APOB: variants seen among roughly 807,000 people sequenced by gnomAD.
The protein encoded by APOB is apolipoprotein B.
APOB carries 153 observed loss-of-function variants against 314.1 expected under a neutral mutation model. The ratio of observed to expected loss-of-function variants is 0.49; its 90% CI spans 0.43 to 0.56. The LOEUF (loss-of-function observed/expected upper bound fraction) is 0.56, where lower values mean the gene tolerates loss of function less well. Ranked by LOEUF, APOB falls within the 20% of genes least tolerant of loss-of-function variation. APOB has a pLI of 0.00. For synonymous variants in APOB, 2,087 were observed against 2,036.4 expected (o/e 1.02, Z -0.67); for missense variants, 5,430 against 5,350.7 (o/e 1.01, Z -0.46).
intron 10 of APOB, among the ~76,000 whole-genome samples, chr2:21,031,090 TC>T (rs1185470509): frequency 6.6e-6 from 1 of 152,198 alleles, no homozygotes; most frequent in East Asian, 1.9e-4. Context: ...AATCCAACAA[TC>T]CCATTACTGG....
At chr2:21,026,718 G>T in intron 15 of APOB, 70 bp downstream of exon 15, 2 of 1,283,626 alleles carry the variant, frequency 1.6e-6, no homozygotes, top group Non-Finnish European at 2.3e-6. Context: ...GGACTTCCAT[G>T]CTTAGAAAAG....
intron 20 of APOB, 69 bp from the exon 21 acceptor site, chr2:21,016,718 C>T (rs187128817): frequency 1.2e-5 from 12 of 1,013,360 alleles, no homozygotes; most frequent in Non-Finnish European, 1.6e-5. Flanking sequence ...GGTGCGGTGG[C>T]TCACACCTGT....
intron 18 of APOB, among the ~76,000 whole-genome samples, chr2:21,020,698 A>G (rs1463485796): frequency 6.6e-6 from 1 of 152,192 alleles, no homozygotes; most frequent in Non-Finnish European, 1.5e-5. Context: ...GGTTTTTTCT[A>G]AGGATGCTTT....
chr2:21,007,877 C>T lies in APOB; in HGVS notation c.8991G>A (p.Val2997=), dbSNP rs1663190318. ...CTTTAGCAGTTAGAACACTGTGGCC[C>T]ACATGCTGGGAATCGACTTGTGATT... The part of the protein sequence containing the change: ...EIQSQVDSQH[V]GHSVLTAKGM... Residue 2997 remains valine (V), a synonymous_variant, in exon 26 of 29, where the codon GTG becomes GTA. Coordinates refer to ENST00000233242, the MANE Select transcript of APOB (RefSeq NM_000384.3). The T allele has an allele frequency of 6.2e-7, 1 of 1,614,044 alleles. No homozygotes were observed. The highest frequency in any genetic ancestry group is 8.5e-7 in the Non-Finnish European group (1 of 1,179,964).
rs759567147 is a variant in APOB at position 21,012,363 on chromosome 2, C to G, written c.4505G>C (p.Gly1502Ala). ...GTTAGGATCCCTCTGACAAGACAGG[C>G]CATATGTGCCTTTAGCATAGAACGA... ...VSSFYAKGTY[G>A]LSCQRDPNTG... The change falls in exon 26 of 29, where the codon GGC (glycine) becomes GCC (alanine). Residue 1502 changes from glycine to alanine, a missense_variant. Around this residue, in one of 3 missense-constraint regions of APOB, gnomAD observed 2,085 missense variants for 2,079.7 expected, o/e 1.00. Transcript: ENST00000233242. 1.9e-6 allele frequency: 3 copies of G among 1,614,024 alleles called. No individual in the cohort carries two copies. In the Admixed American group the frequency reaches 5.0e-5, roughly 27 times the overall value.
At chr2:21,026,696 A>C (rs1572794986) in intron 15 of APOB, 92 bp downstream of exon 15, 1 of 1,040,990 alleles carries the variant, frequency 9.6e-7, no homozygotes, top group South Asian at 1.3e-5. Context: ...CTTCAGTTAG[A>C]TAGTATTTTG....
At chr2:21,020,552 G>A (rs1326022207) in intron 18 of APOB, among the ~76,000 whole-genome samples, 1 of 152,154 alleles carries the variant, frequency 6.6e-6, no homozygotes, top group African/African-American at 2.4e-5. Flanking sequence ...TGACCTCCCA[G>A]AAGCCTTCCA....
Position 21,014,518 on chromosome 2 carries a change from G to T in APOB, c.3772C>A (p.Leu1258Met), listed in dbSNP as rs760610510. 5 of 1,614,110 alleles carry T rather than the reference G, an allele frequency of 3.1e-6. No homozygotes were observed. In the Admixed American group the frequency reaches 8.3e-5, roughly 27 times the overall value. Residue 1258 changes from leucine to methionine, a missense_variant, in exon 24 of 29, where the codon CTG becomes ATG. Leu to Met is a conservative substitution (Grantham distance 15). Coordinates refer to ENST00000233242, the MANE Select transcript of APOB (RefSeq NM_000384.3). ...ATGTTCTGGAGGTTGAACTCCTTCA[G>T]GCTATTGAGGTGGTCTTGCAAAGTC... is the stretch of plus-strand genomic sequence containing the variant. ...TQTLQDHLNS[L>M]KEFNLQNMGL...
Position 21,010,401 on chromosome 2 carries a change from A to G in APOB, c.6467T>C (p.Ile2156Thr), listed in dbSNP as rs1232529396. ...TTTGGCATCATCTAATGCAATTTGT[A>G]TATCATTTTCTGTAATTCTATACTT... ...TKKYRITEND[I>T]QIALDDAKIN... The change falls in exon 26 of 29, where the codon ATA becomes ACA. Residue 2156 changes from isoleucine (I) to threonine (T), a missense_variant. This residue lies in a region of APOB where 3,281 missense variants were observed against 3,171.0 expected (regional missense o/e 1.03). Transcript: ENST00000233242. 8.1e-6 allele frequency: 13 copies of G among 1,595,368 alleles called. 1 individual carries two copies. The highest frequency in any genetic ancestry group is 4.0e-5 in the African/African-American group (3 of 74,258).
In APOB at chr2:21,005,514, G is replaced by C. The variant is rs143710616; in HGVS notation, c.11354C>G (p.Thr3785Arg). 1 of 1,614,014 alleles carries C rather than the reference G, an allele frequency of 6.2e-7. No homozygotes were observed. The highest frequency in any genetic ancestry group is 2.2e-5 in the East Asian group (1 of 44,878). ...RTSSFALNLP[T>R]LPEVKFPEVD... ...TTCAGGGAATTTTACCTCGGGGAGT[G>C]TTGGTAGGTTGAGGGCAAATGATGA... Residue 3785 changes from threonine to arginine, a missense_variant, in exon 26 of 29, where the codon ACA becomes AGA. Coordinates refer to ENST00000233242, the MANE Select transcript of APOB (RefSeq NM_000384.3).
intron 20 of APOB, among the ~76,000 whole-genome samples, chr2:21,017,602 G>T (rs2103365363): frequency 6.6e-6 from 1 of 152,168 alleles, no homozygotes; most frequent in South Asian, 2.1e-4. Context: ...AACAGCAAAG[G>T]CTCGCAGCCC....
chr2:21,019,821 C>T lies in APOB; in HGVS notation c.2901G>A (p.Lys967=), dbSNP rs1663558979. The change falls in exon 19 of 29, where the codon AAG becomes AAA. Residue 967 remains lysine (K), a synonymous_variant. Coordinates refer to ENST00000233242, the MANE Select transcript of APOB (RefSeq NM_000384.3). ...AGTAATTCAGGCCAGGAAAGACTTGCTTGCAAACTGACCAGGACTGCCTGT... is the reference window on the plus strand; with the variant it reads ...AGTAATTCAGGCCAGGAAAGACTTGTTTGCAAACTGACCAGGACTGCCTGT... The part of the protein sequence containing the change: ...IENRQSWSVC[K]QVFPGLNYCT... 6.8e-6 allele frequency: 11 copies of T among 1,614,130 alleles called. No homozygotes were observed. Among genetic ancestry groups the T allele is most frequent in the African/African-American group, 1.3e-5 (1 of 75,012 alleles).
chr2:21,007,377 G>A lies in APOB; in HGVS notation c.9491C>T (p.Thr3164Met), dbSNP rs143269114. 101 of 1,613,900 alleles carry A rather than the reference G, an allele frequency of 6.3e-5. No individual in the cohort carries two copies. Among genetic ancestry groups the A allele is most frequent in the East Asian group, 4.0e-4 (18 of 44,864 alleles). ...EKTGLKEFLK[T>M]TKQSFDLSVK... ...ACTTAAATCAAATGATTGCTTTGTC[G>A]TTTTCAAGAATTCCTTCAAGCCTGT... Residue 3164 changes from threonine (T) to methionine (M), a missense_variant, in exon 26 of 29, where the codon ACG (threonine) becomes ATG (methionine). Thr to Met is a moderately conservative substitution (Grantham distance 81, BLOSUM62 -1). Coordinates refer to ENST00000233242, the MANE Select transcript of APOB (RefSeq NM_000384.3).
Position 21,009,534 on chromosome 2 carries a change from T to A in APOB, c.7334A>T (p.Glu2445Val). Residue 2445 changes from glutamate (E) to valine (V), a missense_variant, in exon 26 of 29, where the codon GAG becomes GTG. Coordinates refer to ENST00000233242, the MANE Select transcript of APOB (RefSeq NM_000384.3). Reference sequence around the variant, plus strand: ...TTCACCATTGAGTCTCTGAGTCACCTCACGGATTTTGTCATTGGTTTCATC... The same window carrying A: ...TTCACCATTGAGTCTCTGAGTCACCACACGGATTTTGTCATTGGTTTCATC... ...FVDETNDKIR[E>V]VTQRLNGEIQ... 6.2e-7 allele frequency: 1 copy of A among 1,614,094 alleles called. No homozygotes were observed. Among genetic ancestry groups the A allele is most frequent in the Non-Finnish European group, 8.5e-7 (1 of 1,179,974 alleles).
At chr2:21,034,768 C>A in intron 8 of APOB, 48 bp downstream of exon 8, 1 of 1,050,142 alleles carries the variant, frequency 9.5e-7, no homozygotes, top group Non-Finnish European at 1.5e-6. Flanking sequence ...CCATGATAGG[C>A]ACATCTTGAG....
Position 21,001,940 on chromosome 2 carries a change from C to T in APOB, c.13482G>A (p.Gln4494=). 2 of 1,612,866 alleles carry T rather than the reference C, an allele frequency of 1.2e-6. No individual in the cohort carries two copies. Among genetic ancestry groups the T allele is most frequent in the Non-Finnish European group, 1.7e-6 (2 of 1,178,896 alleles). The change falls in exon 29 of 29, where the codon CAG becomes CAA. Residue 4494 remains glutamine, a synonymous_variant. Transcript: ENST00000233242. The part of the protein sequence containing the change: ...TKKIISDYHQ[Q]FRYKLQDFSD... ...AAAAATCTTGCAGTTTATATCTAAA[C>T]TGCTGGTGGTAATCAGAAATTATTT...
At chr2:21,023,409 CA>C in intron 17 of APOB, 115 bp downstream of exon 17, 2 of 1,250,912 alleles carry the variant, frequency 1.6e-6, no homozygotes, top group Non-Finnish European at 2.3e-6. Context: ...GAGGTGATTA[CA>C]ATGATGAAGC....
In APOB at chr2:21,006,215, A is replaced by G; in HGVS notation, c.10653T>C (p.Ala3551=). The change falls in exon 26 of 29, where the codon GCT becomes GCC. Residue 3551 remains alanine (A), a synonymous_variant. Transcript: ENST00000233242. ...ATATGCGTTGGAGTGTGGCTTCTCCAGCAAAATTTTCTTTTACTTCAAGGT... is the reference window on the plus strand; with the variant it reads ...ATATGCGTTGGAGTGTGGCTTCTCCGGCAAAATTTTCTTTTACTTCAAGGT... The part of the protein sequence containing the change: ...IWNLEVKENF[A]GEATLQRIYS... The G allele has an allele frequency of 6.2e-7, 1 of 1,614,050 alleles. No individual in the cohort carries two copies. The highest frequency in any genetic ancestry group is 8.5e-7 in the Non-Finnish European group (1 of 1,179,968).
At chr2:21,013,104 C>T in intron 25 of APOB, 56 bp downstream of exon 25, 2 of 1,608,610 alleles carry the variant, frequency 1.2e-6, no homozygotes, top group Non-Finnish European at 1.7e-6. Context: ...GGAGGCTCTC[C>T]TCTTAGAGCC....
Sources: allele counts gnomAD v4.1 joint callset (sites outside exome capture counted in the v4.1 genomes callset), GRCh38; gene constraint gnomAD v4.1.1; regional missense constraint gnomAD v4.1.1; transcripts MANE v1.5; gene names NCBI Gene and HGNC (gene_info 2026-07-23, HGNC 2026-07-21).